RIC3: variants seen among roughly 807,000 people sequenced by gnomAD.
The protein encoded by RIC3 is RIC3 acetylcholine receptor chaperone.
A neutral mutation model predicts 27.3 loss-of-function variants in RIC3; 28 were observed. The observed-to-expected ratio is 1.02, with a 90% CI of 0.76 to 1.41. The LOEUF is 1.41. Among genes scored for constraint, RIC3 ranks in the 40% most tolerant of loss-of-function variants. The probability of loss-of-function intolerance (pLI) is 0.00; values close to 1 mark genes in which losing one functional copy is unlikely to be tolerated. For synonymous variants in RIC3, 184 were observed against 160.4 expected (o/e 1.15, Z -1.11); for missense variants, 501 against 444.7 (o/e 1.13, Z -1.14).
At chr11:8,125,367 C>T (rs765344107) in intron 5 of RIC3, among the ~76,000 whole-genome samples, 2 of 151,712 alleles carry the variant, frequency 1.3e-5, no homozygotes, top group African/African-American at 2.4e-5. Flanking sequence ...AGGCAAGCTA[C>T]AGAAAATATT....
At chr11:8,142,458 T>C (rs1448162840) in intron 1 of RIC3, among the ~76,000 whole-genome samples, 3 of 150,620 alleles carry the variant, frequency 2.0e-5, no homozygotes, top group Non-Finnish European at 4.4e-5. Flanking sequence ...ACACATACAC[T>C]CTCCCAAGAC....
chr11:8,151,025 A>T (rs941137347), intron 1 of RIC3, among the ~76,000 whole-genome samples: 2 of 152,234 alleles, frequency 1.3e-5, no homozygotes, highest in Admixed American at 6.5e-5. Context: ...ATAAGAGCTG[A>T]AACTTTAAAA....
intron 4 of RIC3, among the ~76,000 whole-genome samples, chr11:8,133,173 G>A (rs2133782056): frequency 6.6e-6 from 1 of 152,258 alleles, no homozygotes; most frequent in South Asian, 2.1e-4. Context: ...TTTTGTATGT[G>A]CTTGCTTGCC....
At chr11:8,121,834 G>A (rs1946492721) in intron 5 of RIC3, among the ~76,000 whole-genome samples, 1 of 152,098 alleles carries the variant, frequency 6.6e-6, no homozygotes, top group Admixed American at 6.6e-5. Flanking sequence ...AAAGTTTTAT[G>A]TATTTAAGCT....
Position 8,126,676 on chromosome 11 carries a change from T to C in RIC3, c.653A>G (p.Tyr218Cys), listed in dbSNP as rs149878646. Residue 218 changes from tyrosine (Y) to cysteine (C), a missense_variant, in exon 5 of 6, where the codon TAC (tyrosine) becomes TGC (cysteine). By Grantham distance (194) the Tyr-to-Cys change is radical. Coordinates refer to ENST00000309737, the MANE Select transcript of RIC3 (RefSeq NM_001206671.4). Reference sequence around the variant, plus strand: ...CTGTTTACCTTCCCAGTCCTCCATGTAAGGGGCCTCCTCAGCTTCTTTCTC... The same window carrying C: ...CTGTTTACCTTCCCAGTCCTCCATGCAAGGGGCCTCCTCAGCTTCTTTCTC... The part of the protein sequence containing the change: ...SPEKEAEEAP[Y>C]MEDWEGYPEE... 1,239 of 1,614,168 alleles carry C rather than the reference T, an allele frequency of 7.7e-4. 10 individuals carry two copies. In the African/African-American group the frequency reaches 0.014, roughly 19 times the overall value.
chr11:8,101,431 G>C, downstream of RIC3: 1 of 1,606,258 alleles, frequency 6.2e-7, no homozygotes, highest in Non-Finnish European at 8.5e-7. Context: ...TCCTTCCCTG[G>C]CTCTACCATT....
downstream of RIC3, chr11:8,101,627 T>C (rs949378823): frequency 1.4e-5 from 22 of 1,614,064 alleles, no homozygotes; most frequent in Non-Finnish European, 1.8e-5. Flanking sequence ...TAGAGGCCTC[T>C]TCGTGCCCTT....
In RIC3 at chr11:8,120,657, C is replaced by T. The variant is rs568135404; in HGVS notation, c.670+6002G>A. On this transcript the variant is annotated intron_variant, in intron 5 of 5. Coordinates refer to ENST00000309737, the MANE Select transcript of RIC3 (RefSeq NM_001206671.4). ...AAACCTGCACGTTGTACACATGTACCCTAGAACTTAAAGTATAATAATAAA... is the reference window on the plus strand; with the variant it reads ...AAACCTGCACGTTGTACACATGTACTCTAGAACTTAAAGTATAATAATAAA... 8.8e-4 allele frequency among the ~76,000 whole-genome samples: 134 copies of T among 151,594 alleles called. 1 individual carries two copies. The highest frequency in any genetic ancestry group is 7.1e-4 in the Non-Finnish European group (48 of 67,916).
intron 5 of RIC3, among the ~76,000 whole-genome samples, chr11:8,114,055 A>G (rs1945568232): frequency 6.6e-6 from 1 of 152,146 alleles, no homozygotes; most frequent in Non-Finnish European, 1.5e-5. Context: ...ACTCAACACC[A>G]GGCCACCCTG....
In RIC3 at chr11:8,134,515, A is replaced by T. The variant is rs778149212; in HGVS notation, c.521+2863T>A. On this transcript the variant is annotated intron_variant, in intron 4 of 5. Transcript: ENST00000309737. ...TAATCCTTTCTGTATATACCCAGTAATGGCATGGCTGGGTCAAATGGTATT... is the reference window on the plus strand; with the variant it reads ...TAATCCTTTCTGTATATACCCAGTATTGGCATGGCTGGGTCAAATGGTATT... 4.9e-4 allele frequency among the ~76,000 whole-genome samples: 74 copies of T among 152,212 alleles called. 1 individual carries two copies. Among genetic ancestry groups the T allele is most frequent in the Non-Finnish European group, 9.0e-4 (61 of 68,040 alleles).
downstream of RIC3, chr11:8,105,525 C>T (rs1944526589): frequency 1.3e-5 from 2 of 152,132 alleles, no homozygotes; most frequent in African/African-American, 4.8e-5. Flanking sequence ...AGTGGAAAGG[C>T]AAGTTGGTCT....
the RIC3 span, chr11:8,095,766 C>A: frequency 7.7e-7 from 1 of 1,301,614 alleles, no homozygotes; most frequent in South Asian, 1.5e-5. Flanking sequence ...CAAACCCCTC[C>A]CTGGCAATGG....
chr11:8,122,864 CAA>C (rs55826618), intron 5 of RIC3, among the ~76,000 whole-genome samples: 8,290 of 62,998 alleles, frequency 0.13, 166 homozygotes, highest in African/African-American at 0.24. Context: ...ACCAGGTATG[CAA>C]AAAAAAAAAA....
chr11:8,121,507 G>T (rs1264203570), intron 5 of RIC3, among the ~76,000 whole-genome samples: 1 of 152,154 alleles, frequency 6.6e-6, no homozygotes, highest in Admixed American at 6.5e-5. Flanking sequence ...CTTGAGGCCA[G>T]GAGTTCAAGA....
Position 8,106,362 on chromosome 11 carries a change from A to G in RIC3, c.*4336T>C, listed in dbSNP as rs191417847. 20 of 152,340 alleles carry G rather than the reference A, an allele frequency of 1.3e-4. No homozygotes were observed. The highest frequency in any genetic ancestry group is 5.2e-4 in the Admixed American group (8 of 15,306). The allele number at this position is 152,340 out of a possible 1,614,324, so 9.4% of individuals were successfully genotyped here. On this transcript the variant is annotated 3_prime_UTR_variant, in exon 6 of 6. Coordinates refer to ENST00000309737, the MANE Select transcript of RIC3 (RefSeq NM_001206671.4). The stretch of plus-strand genomic sequence containing the variant: ...GGTGGGTAAGTAGGTGATAATAGCA[A>G]AGAGATCATAACCTCACCAATGACA...
downstream of RIC3, chr11:8,101,527 G>A (rs1303527704): frequency 6.2e-7 from 1 of 1,614,118 alleles, no homozygotes; most frequent in African/African-American, 1.3e-5. Context: ...AGCAGAGGAT[G>A]TGTTCACCAT....
the RIC3 span, among the ~76,000 whole-genome samples, chr11:8,098,433 T>C: frequency 2.0e-5 from 3 of 152,298 alleles, no homozygotes; most frequent in East Asian, 5.8e-4. Flanking sequence ...TTCCACTGTC[T>C]TATCAGATGC....
At chr11:8,163,435 G>A (rs919690078) in intron 1 of RIC3, among the ~76,000 whole-genome samples, 6 of 151,708 alleles carry the variant, frequency 4.0e-5, no homozygotes, top group African/African-American at 1.5e-4. Context: ...TTCCAGCTAG[G>A]GCAGTTAGGC....
chr11:8,159,755 C>T (rs1951006467), intron 1 of RIC3, among the ~76,000 whole-genome samples: 1 of 152,046 alleles, frequency 6.6e-6, no homozygotes, highest in South Asian at 2.1e-4. Context: ...CTCTGGGAGG[C>T]CAAGGCAGGC....
Sources: allele counts gnomAD v4.1 joint callset (sites outside exome capture counted in the v4.1 genomes callset), GRCh38; gene constraint gnomAD v4.1.1; transcripts MANE v1.5; gene names NCBI Gene and HGNC (gene_info 2026-07-23, HGNC 2026-07-21).